Variants in SWAP70 observed in about 807,000 individuals in gnomAD.
The protein encoded by SWAP70 is switching B cell complex subunit SWAP70.
Under a neutral mutation model 80.2 loss-of-function variants are expected in SWAP70, and 34 were observed. The observed-to-expected ratio is 0.42, with a 90% CI of 0.32 to 0.56. SWAP70 has a LOEUF of 0.56. Ranked by LOEUF, SWAP70 falls within the 20% of genes least tolerant of loss-of-function variation. The probability of loss-of-function intolerance (pLI) is 0.09; values close to 1 mark genes in which losing one functional copy is unlikely to be tolerated. For synonymous variants in SWAP70, 239 were observed against 238.5 expected (o/e 1.00, Z -0.02); for missense variants, 578 against 690.7 (o/e 0.84, Z 1.83).
At chr11:9,706,349 G>C (rs1041296251) in intron 2 of SWAP70, among the ~76,000 whole-genome samples, 1 of 148,268 alleles carries the variant, frequency 6.7e-6, no homozygotes, top group Non-Finnish European at 1.5e-5. Flanking sequence ...TTGGTGATCT[G>C]TATACACTGG....
At chr11:9,722,380 G>A (rs779392108) in intron 3 of SWAP70, among the ~76,000 whole-genome samples, 1 of 152,216 alleles carries the variant, frequency 6.6e-6, no homozygotes, top group Admixed American at 6.5e-5. Flanking sequence ...GTGAAAATAC[G>A]TTAAGTGCAG....
intron 3 of SWAP70, among the ~76,000 whole-genome samples, chr11:9,717,524 A>G (rs1851081423): frequency 6.6e-6 from 1 of 152,056 alleles, no homozygotes; most frequent in Admixed American, 6.5e-5. Context: ...TGTCCCAGCC[A>G]CTTGGGAGGC....
At chr11:9,667,001 G>A (rs1037331138) in intron 1 of SWAP70, among the ~76,000 whole-genome samples, 1 of 151,836 alleles carries the variant, frequency 6.6e-6, no homozygotes, top group South Asian at 2.1e-4. Flanking sequence ...GGGACTACAG[G>A]TGCCCGCTGC....
intron 2 of SWAP70, among the ~76,000 whole-genome samples, chr11:9,711,065 AT>A (rs1300375835): frequency 1.3e-5 from 2 of 148,636 alleles, no homozygotes; most frequent in East Asian, 2.0e-4. Context: ...TTTTATTTTT[AT>A]TTTTTTAAAC....
At chr11:9,707,302 A>C (rs1850927777) in intron 2 of SWAP70, among the ~76,000 whole-genome samples, 1 of 152,112 alleles carries the variant, frequency 6.6e-6, no homozygotes, top group African/African-American at 2.4e-5. Context: ...CACCTTTTGA[A>C]CAACACCTCT....
At chr11:9,725,664 C>T (rs547497470) in intron 4 of SWAP70, among the ~76,000 whole-genome samples, 9 of 148,786 alleles carry the variant, frequency 6.0e-5, no homozygotes, top group South Asian at 4.3e-4. Context: ...CTCCGCCTCC[C>T]GGGTTCAAAC....
At chr11:9,703,617 A>G (rs1850861653) in intron 2 of SWAP70, among the ~76,000 whole-genome samples, 1 of 152,156 alleles carries the variant, frequency 6.6e-6, no homozygotes, top group Middle Eastern at 3.2e-3. Flanking sequence ...TTTCCTCTAT[A>G]GCACTTACTA....
chr11:9,725,590 C>CG (rs1312901504), intron 4 of SWAP70, among the ~76,000 whole-genome samples: 2 of 86,626 alleles, frequency 2.3e-5, no homozygotes, highest in African/African-American at 4.8e-5. Flanking sequence ...TTTTTTTTTC[C>CG]AAGACGGAAT....
chr11:9,748,827 A>C (rs1324049345), intron 10 of SWAP70, among the ~76,000 whole-genome samples: 1 of 152,250 alleles, frequency 6.6e-6, no homozygotes, highest in Non-Finnish European at 1.5e-5. Flanking sequence ...TGGTGGAAGA[A>C]TAGGCTTTGG....
At chr11:9,696,497 C>A (rs550444336) in intron 2 of SWAP70, among the ~76,000 whole-genome samples, 34 of 152,226 alleles carry the variant, frequency 2.2e-4, no homozygotes, top group Admixed American at 5.9e-4. Flanking sequence ...TGAAAACATA[C>A]ACACACATGC....
rs1851388184 is a variant in SWAP70 at position 9,738,189 on chromosome 11, G to A, written c.1081-24G>A. 2.5e-6 allele frequency: 4 copies of A among 1,575,714 alleles called. No individual in the cohort carries two copies. In the African/African-American group the frequency reaches 5.5e-5, roughly 21 times the overall value. On this transcript the variant is annotated intron_variant, in intron 7 of 11. Transcript: ENST00000318950. ...CTTCTACTCTAACACCTGCTTTTCTGTGGATGGGTTTTTGATTGGCTAGAA... is the reference window on the plus strand; with the variant it reads ...CTTCTACTCTAACACCTGCTTTTCTATGGATGGGTTTTTGATTGGCTAGAA...
intron 8 of SWAP70, among the ~76,000 whole-genome samples, chr11:9,739,722 T>C (rs1851410961): frequency 6.6e-6 from 1 of 152,148 alleles, no homozygotes; most frequent in Non-Finnish European, 1.5e-5. Context: ...GTGGGAGGAA[T>C]CCCATGCTGG....
chr11:9,672,185 ATG>A lies in SWAP70; in HGVS notation c.99+7915_99+7916del, dbSNP rs1436320794. Among the ~76,000 whole-genome samples, 4 of 93,738 alleles carry A rather than the reference ATG, an allele frequency of 4.3e-5. 1 individual carries two copies. The highest frequency in any genetic ancestry group is 3.9e-4 in the South Asian group (1 of 2,548). 61.5% of individuals were successfully genotyped at this position (93,738 alleles called of 152,430 possible). ...TATATTTAAATATATATATACATAT[ATG>A]TGTGTGTCTATATATATATATATAT... is the stretch of plus-strand genomic sequence containing the variant. On this transcript the variant is annotated intron_variant, in intron 1 of 11. Transcript: ENST00000318950.
chr11:9,685,050 C>T (rs553436378), intron 1 of SWAP70, among the ~76,000 whole-genome samples: 4 of 151,940 alleles, frequency 2.6e-5, no homozygotes, highest in Non-Finnish European at 5.9e-5. Flanking sequence ...CAATATTTCA[C>T]TGGGGGGCTG....
intron 3 of SWAP70, among the ~76,000 whole-genome samples, chr11:9,721,266 A>G (rs1325403180): frequency 1.3e-5 from 2 of 152,040 alleles, no homozygotes; most frequent in African/African-American, 4.8e-5. Flanking sequence ...AATACCTGAT[A>G]ATATCTGATA....
At chr11:9,727,165 C>T (rs890875255) in intron 4 of SWAP70, among the ~76,000 whole-genome samples, 6 of 151,050 alleles carry the variant, frequency 4.0e-5, no homozygotes, top group Admixed American at 4.0e-4. Context: ...CTGAGGTGGG[C>T]GGATCACGAG....
chr11:9,725,550 TA>T lies in SWAP70; in HGVS notation c.642+666del, dbSNP rs1564829418. On this transcript the variant is annotated intron_variant, in intron 4 of 11. Transcript: ENST00000318950. ...TACAAAATATATATATATATATATA[TA>T]TATATATATATATATATATTTTTTT... Among the ~76,000 whole-genome samples the T allele has an allele frequency of 5.1e-3, 56 of 10,890 alleles. 1 individual carries two copies. Among genetic ancestry groups the T allele is most frequent in the African/African-American group, 0.014 (51 of 3,642 alleles). 7.1% of individuals were successfully genotyped at this position (10,890 alleles called of 152,430 possible).
At chr11:9,729,129 G>T (rs1465119760) in intron 5 of SWAP70, among the ~76,000 whole-genome samples, 1 of 152,120 alleles carries the variant, frequency 6.6e-6, no homozygotes, top group Non-Finnish European at 1.5e-5. Context: ...CCTATCAGGT[G>T]TTTATAGTTT....
At chr11:9,714,888 T>C (rs4910496) in intron 3 of SWAP70, among the ~76,000 whole-genome samples, 51,523 of 147,850 alleles carry the variant, frequency 0.35, 9,388 homozygotes, top group African/African-American at 0.41. Flanking sequence ...TCTCGGCTTA[T>C]TGCAGCCTCC....
Sources: allele counts gnomAD v4.1 joint callset (sites outside exome capture counted in the v4.1 genomes callset), GRCh38; gene constraint gnomAD v4.1.1; transcripts MANE v1.5; gene names NCBI Gene and HGNC (gene_info 2026-07-23, HGNC 2026-07-21).